Variants in CDH8 observed in about 807,000 individuals in gnomAD.
CDH8 encodes the protein cadherin-8.
Under a neutral mutation model 68.1 loss-of-function variants are expected in CDH8, and 17 were observed. The observed-to-expected ratio is 0.25, with a 90% confidence interval of 0.17 to 0.37. The LOEUF is 0.37. Ranked by LOEUF, CDH8 falls within the 10% of genes least tolerant of loss-of-function variation. CDH8 has a pLI of 1.00. For synonymous variants in CDH8, 372 were observed against 365.1 expected (o/e 1.02, Z -0.21); for missense variants, 763 against 999.3 (o/e 0.76, Z 3.19).
intron 2 of CDH8, among the ~76,000 whole-genome samples, chr16:61,961,194 A>G (rs1289636657): frequency 2.0e-5 from 3 of 152,098 alleles, no homozygotes; most frequent in African/African-American, 4.8e-5. Flanking sequence ...ACGCACATGT[A>G]GTCCCAGCTG....
chr16:61,953,277 A>T (rs911298790), intron 2 of CDH8, among the ~76,000 whole-genome samples: 1 of 152,180 alleles, frequency 6.6e-6, no homozygotes, highest in Non-Finnish European at 1.5e-5. Flanking sequence ...ATAAATTAAT[A>T]CAAGACATAT....
chr16:61,955,569 C>A (rs1444132326), intron 2 of CDH8, among the ~76,000 whole-genome samples: 2 of 152,064 alleles, frequency 1.3e-5, no homozygotes, highest in Non-Finnish European at 2.9e-5. Context: ...TCTCTTAAAA[C>A]CTCATAGACA....
At chr16:61,826,432 A>G (rs1248722920) in intron 4 of CDH8, among the ~76,000 whole-genome samples, 2 of 151,688 alleles carry the variant, frequency 1.3e-5, no homozygotes, top group Non-Finnish European at 1.5e-5. Context: ...CCTTCCCCAT[A>G]TTGCTAAATG....
chr16:61,948,597 C>G lies in CDH8; in HGVS notation c.253-47124G>C, dbSNP rs545256278. On this transcript the variant is annotated intron_variant, in intron 2 of 11. Coordinates refer to ENST00000577390, the MANE Select transcript of CDH8 (RefSeq NM_001796.5). The stretch of plus-strand genomic sequence containing the variant: ...ACAAGGAAAAACAGAGAAGAGCAGA[C>G]AGTTGAAGAGTCCCAACACCTTCTT... Among the ~76,000 whole-genome samples, 2 of 152,246 alleles carry G rather than the reference C, an allele frequency of 1.3e-5. 1 individual carries two copies. The highest frequency in any genetic ancestry group is 4.8e-5 in the African/African-American group (2 of 41,562).
intron 4 of CDH8, among the ~76,000 whole-genome samples, chr16:61,844,547 A>G (rs576780052): frequency 2.6e-5 from 4 of 152,316 alleles, no homozygotes; most frequent in African/African-American, 7.2e-5. Flanking sequence ...AGGGTATAGG[A>G]GGCACATTAC....
At chr16:62,004,705 G>A (rs1253462096) in intron 2 of CDH8, among the ~76,000 whole-genome samples, 8 of 152,210 alleles carry the variant, frequency 5.3e-5, no homozygotes, top group African/African-American at 1.9e-4. Flanking sequence ...AGCATGGCTT[G>A]GGTAAAACAA....
chr16:61,784,911 C>G (rs947727157), intron 8 of CDH8, among the ~76,000 whole-genome samples: 1 of 151,990 alleles, frequency 6.6e-6, no homozygotes, highest in African/African-American at 2.4e-5. Context: ...CACAACATAC[C>G]AGAATCTCTG....
At chr16:61,935,013 C>G (rs76018977) in intron 2 of CDH8, among the ~76,000 whole-genome samples, 8 of 152,154 alleles carry the variant, frequency 5.3e-5, no homozygotes, top group Non-Finnish European at 1.2e-4. Context: ...CTAATATTAA[C>G]TATCCCATCA....
rs1278094955 is a variant in CDH8 at position 61,649,896 on chromosome 16, T to C, written c.*3712A>G. 6.6e-6 allele frequency: 1 copy of C among 152,134 alleles called. No homozygotes were observed. Among genetic ancestry groups the C allele is most frequent in the Non-Finnish European group, 1.5e-5 (1 of 68,010 alleles). 9.4% of individuals were successfully genotyped at this position (152,134 alleles called of 1,614,324 possible). A position where few individuals can be genotyped will look rare whatever the true frequency, so the allele number is the denominator to read the frequency against. ...GCTCCTAGGAGATTTCTAAGTCTCA[T>C]GCAGAGACTTGTCTTACTTTAAGCA... On this transcript the variant is annotated 3_prime_UTR_variant, in exon 12 of 12. Transcript: ENST00000577390.
chr16:61,857,748 A>G (rs1275602040), intron 3 of CDH8, among the ~76,000 whole-genome samples: 4 of 152,184 alleles, frequency 2.6e-5, no homozygotes, highest in Admixed American at 6.6e-5. Flanking sequence ...CATCTTGCTT[A>G]CATAATTAGG....
At chr16:61,950,262 C>G (rs1964871275) in intron 2 of CDH8, among the ~76,000 whole-genome samples, 1 of 152,068 alleles carries the variant, frequency 6.6e-6, no homozygotes, top group Non-Finnish European at 1.5e-5. Flanking sequence ...TCTGACTTCT[C>G]TGTTGAGAGA....
At chr16:61,772,782 A>C (rs1476476505) in intron 8 of CDH8, among the ~76,000 whole-genome samples, 1 of 152,038 alleles carries the variant, frequency 6.6e-6, no homozygotes, top group Non-Finnish European at 1.5e-5. Flanking sequence ...TCACATGGAA[A>C]CTTGTTAGAA....
At chr16:61,987,370 G>A (rs1965646529) in intron 2 of CDH8, among the ~76,000 whole-genome samples, 1 of 152,092 alleles carries the variant, frequency 6.6e-6, no homozygotes, top group African/African-American at 2.4e-5. Flanking sequence ...AGCTGGGCAT[G>A]GTGGCGGGTG....
intron 2 of CDH8, among the ~76,000 whole-genome samples, chr16:61,990,331 T>C (rs1166975061): frequency 6.2e-5 from 9 of 144,714 alleles, no homozygotes; most frequent in African/African-American, 2.3e-4. Flanking sequence ...TTTTTTTTTT[T>C]TGAGACTAAG....
chr16:62,020,357 AG>A (rs1364618733), intron 2 of CDH8, among the ~76,000 whole-genome samples: 4 of 152,194 alleles, frequency 2.6e-5, no homozygotes, highest in Non-Finnish European at 5.9e-5. Context: ...AACAGTTCTG[AG>A]GAATAAACAC....
intron 10 of CDH8, among the ~76,000 whole-genome samples, chr16:61,657,659 A>T (rs1162438106): frequency 6.6e-6 from 1 of 152,136 alleles, no homozygotes; most frequent in Non-Finnish European, 1.5e-5. Context: ...TACAAAGAAC[A>T]TTTCTGGATG....
intron 8 of CDH8, among the ~76,000 whole-genome samples, chr16:61,748,783 C>T (rs907623950): frequency 2.6e-5 from 4 of 151,980 alleles, no homozygotes; most frequent in Admixed American, 2.6e-4. Flanking sequence ...TTGACCCGAG[C>T]ATTCATCCTC....
chr16:61,977,996 T>G (rs1031929452), intron 2 of CDH8, among the ~76,000 whole-genome samples: 1 of 152,178 alleles, frequency 6.6e-6, no homozygotes. Context: ...CACAGAATTA[T>G]GTGAAATGTG....
intron 2 of CDH8, among the ~76,000 whole-genome samples, chr16:61,920,312 A>T (rs1267951366): frequency 3.7e-5 from 5 of 135,464 alleles, no homozygotes; most frequent in African/African-American, 1.4e-4. Flanking sequence ...CAGAGTGAAC[A>T]GGCAACCTAC....
Sources: gnomAD v4.1 joint callset for allele counts (sites outside exome capture counted in the v4.1 genomes callset) on GRCh38, gnomAD v4.1.1 for gene constraint, MANE v1.5 for transcripts, NCBI Gene and HGNC (gene_info 2026-07-23, HGNC 2026-07-21) for gene names.